The following RPH3A variants were observed in gnomAD, a reference collection of about 807,000 sequenced individuals.
RPH3A encodes rabphilin-3A.
In RPH3A, 48 loss-of-function variants were observed where a neutral mutation model predicts 102.2. The observed-to-expected ratio is 0.47, with a 90% CI of 0.37 to 0.60. RPH3A has a LOEUF of 0.60. Among genes scored for constraint, RPH3A ranks in the 20% least tolerant of loss-of-function variants. The probability of loss-of-function intolerance (pLI) is 0.00; values close to 1 mark genes in which losing one functional copy is unlikely to be tolerated. For synonymous variants in RPH3A, 310 were observed against 324.3 expected (o/e 0.96, Z 0.47); for missense variants, 781 against 910.1 (o/e 0.86, Z 1.83).
chr12:112,685,492 C>T (rs2040256775), intron 1 of RPH3A, among the ~76,000 whole-genome samples: 1 of 152,170 alleles, frequency 6.6e-6, no homozygotes, highest in Admixed American at 6.5e-5. Flanking sequence ...GATCCTGCCT[C>T]CAGCCTCACA....
intron 1 of RPH3A, among the ~76,000 whole-genome samples, chr12:112,631,878 T>C (rs1207509662): frequency 6.6e-6 from 1 of 152,170 alleles, no homozygotes; most frequent in African/African-American, 2.4e-5. Context: ...ATGGATATAT[T>C]GCATATGGTG....
chr12:112,575,382 C>G (rs2039350038), intron 1 of RPH3A: 2 of 151,192 alleles, frequency 1.3e-5, no homozygotes, highest in Admixed American at 1.3e-4. Flanking sequence ...CACGCGCTGG[C>G]TGGGGGGTCG....
intron 1 of RPH3A, among the ~76,000 whole-genome samples, chr12:112,630,944 A>C (rs1304531849): frequency 6.6e-6 from 1 of 152,146 alleles, no homozygotes; most frequent in Admixed American, 6.5e-5. Context: ...CCTGACACTC[A>C]GCTAGCTTAA....
At chr12:112,659,862 C>G (rs1464397359) in intron 1 of RPH3A, among the ~76,000 whole-genome samples, 1 of 152,122 alleles carries the variant, frequency 6.6e-6, no homozygotes, top group East Asian at 1.9e-4. Flanking sequence ...TCGGGTGCCC[C>G]TTTGCTTTCT....
intron 1 of RPH3A, among the ~76,000 whole-genome samples, chr12:112,655,035 C>G (rs565630075): frequency 3.5e-4 from 53 of 152,210 alleles, no homozygotes; most frequent in Non-Finnish European, 6.3e-4. Context: ...TATTCCTCCT[C>G]CACTCCTCTG....
rs1471924201 is a variant in RPH3A, at chr12:112,828,311, C to T, written c.-8C>T. The stretch of plus-strand genomic sequence containing the variant: ...ATTGATGTTTTCCAGGAGCACTAGA[C>T]ATCTACTATGACTGACACCGTGTTC... On this transcript the variant is annotated 5_prime_UTR_variant, in exon 3 of 22. Transcript: ENST00000389385. 2 of 1,610,324 alleles carry T rather than the reference C, an allele frequency of 1.2e-6. No homozygotes were observed. The highest frequency in any genetic ancestry group is 2.2e-5 in the East Asian group (1 of 44,692).
chr12:112,785,224 A>C (rs985867455), intron 1 of RPH3A, among the ~76,000 whole-genome samples: 8 of 64,674 alleles, frequency 1.2e-4, no homozygotes, highest in Non-Finnish European at 2.7e-4. Context: ...CTCCCATCTC[A>C]AAAAAGAAAA....
intron 8 of RPH3A, chr12:112,869,316 A>G (rs1323253923): frequency 2.4e-5 from 4 of 163,760 alleles, no homozygotes; most frequent in Non-Finnish European, 5.3e-5. Flanking sequence ...AGCGTTTTTC[A>G]TAAGATAACT....
intron 2 of RPH3A, among the ~76,000 whole-genome samples, chr12:112,792,938 G>A (rs1466224112): frequency 1.3e-5 from 2 of 152,088 alleles, no homozygotes; most frequent in Non-Finnish European, 2.9e-5. Flanking sequence ...TATTTTCACA[G>A]GTGGCGTAAC....
intron 1 of RPH3A, among the ~76,000 whole-genome samples, chr12:112,683,673 C>T (rs2040242307): frequency 6.6e-6 from 1 of 152,128 alleles, no homozygotes; most frequent in Admixed American, 6.5e-5. Flanking sequence ...TGTCTCACTG[C>T]TGAGTGGGAA....
chr12:112,863,664 G>T (rs2042559350), intron 5 of RPH3A, among the ~76,000 whole-genome samples: 1 of 152,200 alleles, frequency 6.6e-6, no homozygotes, highest in African/African-American at 2.4e-5. Flanking sequence ...GTGTGACCTT[G>T]GGTAAGTCAT....
At chr12:112,885,232 G>A (rs568568753) in intron 16 of RPH3A, among the ~76,000 whole-genome samples, 2 of 152,352 alleles carry the variant, frequency 1.3e-5, no homozygotes, top group Non-Finnish European at 2.9e-5. Flanking sequence ...ATACCTAGAA[G>A]TGTAATGATT....
At chr12:112,804,035 A>AT (rs943399551) in intron 2 of RPH3A, among the ~76,000 whole-genome samples, 14 of 152,228 alleles carry the variant, frequency 9.2e-5, no homozygotes, top group Admixed American at 3.3e-4. Context: ...TAGGACTTGA[A>AT]TTTTTTTAAA....
intron 11 of RPH3A, among the ~76,000 whole-genome samples, chr12:112,875,440 A>C (rs1227666876): frequency 2.6e-5 from 4 of 152,036 alleles, no homozygotes; most frequent in African/African-American, 9.7e-5. Context: ...TCAAGGACCA[A>C]CACCCCCATT....
intron 1 of RPH3A, among the ~76,000 whole-genome samples, chr12:112,714,993 C>T (rs1048630028): frequency 3.3e-5 from 5 of 152,110 alleles, no homozygotes; most frequent in African/African-American, 1.2e-4. Context: ...ATTTAAGTTC[C>T]ACCTCCTCCA....
chr12:112,733,683 T>TG (rs1008802494), intron 1 of RPH3A, among the ~76,000 whole-genome samples: 3 of 152,160 alleles, frequency 2.0e-5, no homozygotes, highest in African/African-American at 7.2e-5. Flanking sequence ...CTCCTTGCAA[T>TG]GGAAGGAAAT....
intron 1 of RPH3A, among the ~76,000 whole-genome samples, chr12:112,714,895 T>C (rs1313280923): frequency 6.6e-6 from 1 of 152,200 alleles, no homozygotes; most frequent in Non-Finnish European, 1.5e-5. Context: ...TTTGCTTCTA[T>C]ACTTTGCTCA....
intron 1 of RPH3A, among the ~76,000 whole-genome samples, chr12:112,756,496 G>C (rs2040824313): frequency 2.0e-5 from 3 of 152,196 alleles, no homozygotes. Flanking sequence ...ACAGGCATGA[G>C]CCCACACTTT....
chr12:112,825,425 A>G (rs868584212), intron 2 of RPH3A, among the ~76,000 whole-genome samples: 29 of 152,200 alleles, frequency 1.9e-4, no homozygotes, highest in African/African-American at 6.5e-4. Flanking sequence ...TTATCTATTC[A>G]GCGTCACAGG....
Sources: gnomAD v4.1 joint callset for allele counts (sites outside exome capture counted in the v4.1 genomes callset) on GRCh38, gnomAD v4.1.1 for gene constraint, MANE v1.5 for transcripts, NCBI Gene and HGNC (gene_info 2026-07-23, HGNC 2026-07-21) for gene names.